Variants in STRADB observed in about 807,000 individuals in gnomAD.
The protein encoded by STRADB is STE20-related kinase adapter protein beta.
Under a neutral mutation model 52.1 loss-of-function variants are expected in STRADB, and 34 were observed. The ratio of observed to expected loss-of-function variants is 0.65; its 90% CI spans 0.50 to 0.87. The LOEUF (loss-of-function observed/expected upper bound fraction) is 0.87, where lower values mean the gene tolerates loss of function less well. Ranked by LOEUF, STRADB falls within the 40% of genes least tolerant of loss-of-function variation. The probability of loss-of-function intolerance (pLI) is 0.00; values close to 1 mark genes in which losing one functional copy is unlikely to be tolerated. For missense variants in STRADB, 340 were observed against 483.9 expected (o/e 0.70, Z 2.79); for synonymous variants, 133 against 174.5 (o/e 0.76, Z 1.87).
chr2:201,465,325 G>C (rs1019791557), intron 3 of STRADB, among the ~76,000 whole-genome samples: 4 of 152,200 alleles, frequency 2.6e-5, no homozygotes, highest in Admixed American at 6.5e-5. Flanking sequence ...GATCCTGCCA[G>C]AACTAGGTCC....
chr2:201,473,838 C>T (rs1042827979), intron 5 of STRADB, among the ~76,000 whole-genome samples: 2 of 150,084 alleles, frequency 1.3e-5, no homozygotes, highest in African/African-American at 2.5e-5. Flanking sequence ...CGTCACTAAT[C>T]ATTTTTTATA....
Position 201,478,617 on chromosome 2 carries a change from T to C in STRADB, c.1070+16T>C. The C allele has an allele frequency of 6.2e-7, 1 of 1,610,260 alleles. No individual in the cohort carries two copies. The highest frequency in any genetic ancestry group is 1.1e-5 in the South Asian group (1 of 90,286). On this transcript the variant is annotated intron_variant, in intron 10 of 11. Coordinates refer to ENST00000194530, the MANE Select transcript of STRADB (RefSeq NM_018571.6). ...CTGAGAAAAGGTAATATTGATCTCT[T>C]TTAAATAGCACAAAATGTACATGTT...
intron 9 of STRADB, 64 bp downstream of exon 9, chr2:201,478,255 TTC>T (rs1263803524): frequency 1.4e-5 from 22 of 1,590,322 alleles, no homozygotes; most frequent in Non-Finnish European, 1.9e-5. Context: ...TCTAGATAAT[TTC>T]TGTTAAACAT....
intron 2 of STRADB, among the ~76,000 whole-genome samples, 179 bp from the exon 3 acceptor site, chr2:201,458,605 C>A (rs1952163820): frequency 2.0e-5 from 3 of 152,182 alleles, no homozygotes; most frequent in African/African-American, 7.2e-5. Flanking sequence ...AGCCACTTCT[C>A]CCTTCTCTCC....
intron 3 of STRADB, chr2:201,460,773 C>A: frequency 2.7e-6 from 1 of 370,998 alleles, no homozygotes; most frequent in Non-Finnish European, 5.7e-6. Flanking sequence ...TGTTGATAGA[C>A]ACTTAAGTTT....
At chr2:201,474,995 C>G (rs1011319725) in intron 6 of STRADB, among the ~76,000 whole-genome samples, 5 of 152,236 alleles carry the variant, frequency 3.3e-5, no homozygotes, top group African/African-American at 1.2e-4. Context: ...TGCCTTTGCA[C>G]AAGCTGTGTC....
intron 10 of STRADB, among the ~76,000 whole-genome samples, chr2:201,478,986 T>C (rs749475416): frequency 2.0e-5 from 3 of 151,816 alleles, no homozygotes; most frequent in African/African-American, 7.3e-5. Context: ...GAGAGGAGAA[T>C]TGCTTGAACC....
At chr2:201,464,278 G>T (rs1365027587) in intron 3 of STRADB, among the ~76,000 whole-genome samples, 2 of 151,860 alleles carry the variant, frequency 1.3e-5, no homozygotes, top group African/African-American at 4.8e-5. Context: ...CTAAGTCTTT[G>T]GTCACTGTAA....
At chr2:201,458,666 C>A in intron 2 of STRADB, 118 bp from the exon 3 acceptor site, 1 of 754,050 alleles carries the variant, frequency 1.3e-6, no homozygotes. Flanking sequence ...CAAGTTTCTG[C>A]AAGTTGCCCT....
At position 201,480,193 on chromosome 2, in the gene STRADB, A is replaced by G. The variant is rs752429510; in HGVS notation, c.*18A>G. 2 of 1,613,334 alleles carry G rather than the reference A, an allele frequency of 1.2e-6. No homozygotes were observed. The highest frequency in any genetic ancestry group is 1.7e-6 in the Non-Finnish European group (2 of 1,179,582). ...AATTCTAGGGCTGCCAAATCATTTT[A>G]TGTCCTATATACTTGACACTTTCTC... is the stretch of plus-strand genomic sequence containing the variant. On this transcript the variant is annotated 3_prime_UTR_variant, in exon 12 of 12. Coordinates refer to ENST00000194530, the MANE Select transcript of STRADB (RefSeq NM_018571.6).
chr2:201,466,809 T>C (rs977031162), intron 3 of STRADB, among the ~76,000 whole-genome samples: 10 of 152,224 alleles, frequency 6.6e-5, no homozygotes, highest in African/African-American at 2.4e-4. Flanking sequence ...AATTTTCAAC[T>C]AATGTAGGGA....
chr2:201,457,267 TA>T (rs1952142038), intron 2 of STRADB: 1 of 152,304 alleles, frequency 6.6e-6, no homozygotes, highest in Non-Finnish European at 1.5e-5. Context: ...TAAAAATATA[TA>T]AATACCAAAC....
chr2:201,475,473 C>A, intron 6 of STRADB, 146 bp from the exon 7 acceptor site: 3 of 855,002 alleles, frequency 3.5e-6, no homozygotes, highest in African/African-American at 1.7e-5. Flanking sequence ...GAAAGAAAAT[C>A]ATGTTTGTGT....
At chr2:201,462,733 T>C in intron 3 of STRADB, among the ~76,000 whole-genome samples, 1 of 152,244 alleles carries the variant, frequency 6.6e-6, no homozygotes, top group East Asian at 1.9e-4. Flanking sequence ...TTATATCTTC[T>C]TGTACTATTT....
chr2:201,469,419 GA>G (rs1952355618), intron 3 of STRADB, among the ~76,000 whole-genome samples: 1 of 152,150 alleles, frequency 6.6e-6, no homozygotes, highest in Non-Finnish European at 1.5e-5. Flanking sequence ...ATTCACTTAG[GA>G]GGTCTGTCTT....
chr2:201,457,067 A>G (rs1952139034), intron 2 of STRADB, among the ~76,000 whole-genome samples: 1 of 152,212 alleles, frequency 6.6e-6, no homozygotes, highest in Admixed American at 6.5e-5. Context: ...TATTATTTGC[A>G]CAAACAGTTT....
At chr2:201,469,632 T>C (rs1952358444) in intron 3 of STRADB, among the ~76,000 whole-genome samples, 1 of 152,238 alleles carries the variant, frequency 6.6e-6, no homozygotes, top group Non-Finnish European at 1.5e-5. Flanking sequence ...AGCTCTTCGC[T>C]TGGTACATTT....
chr2:201,469,041 G>A (rs908686134), intron 3 of STRADB, among the ~76,000 whole-genome samples: 1 of 152,124 alleles, frequency 6.6e-6, no homozygotes, highest in African/African-American at 2.4e-5. Flanking sequence ...CTTTAGCCAT[G>A]GGTTTATAAT....
intron 3 of STRADB, among the ~76,000 whole-genome samples, chr2:201,463,043 T>A (rs2125675115): frequency 1.3e-5 from 2 of 152,334 alleles, no homozygotes; most frequent in African/African-American, 4.8e-5. Flanking sequence ...CTGGATAAAC[T>A]ATGAAAGTTT....
Sources: allele counts gnomAD v4.1 joint callset (sites outside exome capture counted in the v4.1 genomes callset), GRCh38; gene constraint gnomAD v4.1.1; transcripts MANE v1.5; gene names NCBI Gene and HGNC (gene_info 2026-07-23, HGNC 2026-07-21).